Variants in MCM3AP observed in about 807,000 individuals in gnomAD.
MCM3AP encodes the protein minichromosome maintenance complex component 3 associated protein, also known as germinal-center associated nuclear protein.
In MCM3AP, 126 loss-of-function variants were observed where a neutral mutation model predicts 184.1. The observed-to-expected ratio is 0.68, with a 90% CI of 0.59 to 0.79. MCM3AP has a LOEUF of 0.79. Ranked by LOEUF, MCM3AP falls within the 30% of genes least tolerant of loss-of-function variation. The pLI, the probability that MCM3AP is intolerant of heterozygous loss-of-function variation, is 0.00. For synonymous variants in MCM3AP, 1,002 were observed against 979.3 expected (o/e 1.02, Z -0.43); for missense variants, 2,496 against 2,479.2 (o/e 1.01, Z -0.14).
At chr21:46,240,390 G>A (rs889161447) in intron 26 of MCM3AP, among the ~76,000 whole-genome samples, 1 of 152,126 alleles carries the variant, frequency 6.6e-6, no homozygotes, top group African/African-American at 2.4e-5. Flanking sequence ...GCATGGGAGG[G>A]AGGGAAGTGG....
chr21:46,282,584 C>T (rs1490793758), intron 2 of MCM3AP, among the ~76,000 whole-genome samples: 1 of 152,022 alleles, frequency 6.6e-6, no homozygotes, highest in South Asian at 2.1e-4. Flanking sequence ...GCAGGCAGAT[C>T]GTGAGGTCAG....
intron 10 of MCM3AP, chr21:46,266,668 G>A (rs138229626): frequency 1.5e-4 from 51 of 341,428 alleles, no homozygotes; most frequent in African/African-American, 8.8e-4. Flanking sequence ...GAGGTTGTCC[G>A]TCATTGGCTG....
chr21:46,275,350 A>G (rs2081242292), intron 5 of MCM3AP, 25 bp from the exon 6 acceptor site: 1 of 1,603,610 alleles, frequency 6.2e-7, no homozygotes, highest in East Asian at 2.2e-5. Flanking sequence ...GTAAAAGGTA[A>G]GAATGTACCA....
rs137961032 is a variant in MCM3AP at position 46,256,855 on chromosome 21, T to C, written c.3866A>G (p.Glu1289Gly). The C allele has an allele frequency of 1.3e-6, 2 of 1,580,032 alleles. No homozygotes were observed. The highest frequency in any genetic ancestry group is 1.7e-6 in the Non-Finnish European group (2 of 1,162,908). The change falls in exon 17 of 28, where the codon GAA (glutamate) becomes GGA (glycine). Residue 1289 changes from glutamate to glycine, a missense_variant. Coordinates refer to ENST00000291688, the MANE Select transcript of MCM3AP (RefSeq NM_003906.5). ...LAPSAECPIA[E>G]ENLARGLLDL... is the part of the protein sequence containing the mutation. ...CAGGAGGCCCCTGGCCAGGTTCTCT[T>C]CAGCAATGGGGCACTCTGCGCTGGG...
chr21:46,267,226 C>T (rs2081124938), intron 9 of MCM3AP, 84 bp from the exon 10 acceptor site: 8 of 1,352,258 alleles, frequency 5.9e-6, no homozygotes, highest in African/African-American at 1.4e-5. Flanking sequence ...CAGCCATGGC[C>T]AGCGTGGGGC....
chr21:46,277,517 A>G lies in MCM3AP; in HGVS notation c.1858+10T>C, dbSNP rs2081270955. The G allele has an allele frequency of 6.5e-7, 1 of 1,532,796 alleles. No individual in the cohort carries two copies. The highest frequency in any genetic ancestry group is 2.1e-5 in the Admixed American group (1 of 48,586). The allele number at this position is 1,532,796 out of a possible 1,614,324, so 94.9% of individuals were successfully genotyped here. On this transcript the variant is annotated intron_variant, in intron 5 of 27. Transcript: ENST00000291688. Reference sequence around the variant, plus strand: ...CAGGCCCCTAGAACCTCTGCCACCAAGTGCCATACCTTGCCGCATGATCCT... The same window carrying G: ...CAGGCCCCTAGAACCTCTGCCACCAGGTGCCATACCTTGCCGCATGATCCT...
At position 46,273,566 on chromosome 21, in the gene MCM3AP, A is replaced by G; in HGVS notation, c.2018T>C (p.Val673Ala). ...CGCCGAGGACCGACTGTACTCTTTC[A>G]CAGCTGCTGCGTGGTCCACCTAGAG... ...GTDQVDHAAA[V>A]KEYSRSSADQ... The change falls in exon 7 of 28, where the codon GTG becomes GCG. Residue 673 changes from valine to alanine, a missense_variant. Val to Ala is a moderately conservative substitution (Grantham distance 64). This residue lies in a region of MCM3AP where 130 missense variants were observed against 199.8 expected (regional missense o/e 0.65). Transcript: ENST00000291688. The G allele has an allele frequency of 6.2e-7, 1 of 1,613,730 alleles. No homozygotes were observed. The highest frequency in any genetic ancestry group is 8.5e-7 in the Non-Finnish European group (1 of 1,179,842).
In MCM3AP at chr21:46,277,675, G is replaced by C; in HGVS notation, c.1710C>G (p.Phe570Leu). ...KKPSLLKAHQFEGDSFDSASE... is the reference protein window; with the variant it reads ...KKPSLLKAHQLEGDSFDSASE... ...AGGCTGAGTCAAAAGAGTCTCCCTC[G>C]AATTGGTGGGCCTTTAGAAGACTTG... The change falls in exon 5 of 28, where the codon TTC becomes TTG. Residue 570 changes from phenylalanine to leucine, a missense_variant. Phe to Leu is a conservative substitution (Grantham distance 22, BLOSUM62 0). Around this residue, in one of 5 missense-constraint regions of MCM3AP, gnomAD observed 800 missense variants for 717.1 expected, o/e 1.12. Coordinates refer to ENST00000291688, the MANE Select transcript of MCM3AP (RefSeq NM_003906.5). The C allele has an allele frequency of 6.2e-7, 1 of 1,604,532 alleles. No homozygotes were observed. Among genetic ancestry groups the C allele is most frequent in the Non-Finnish European group, 8.5e-7 (1 of 1,175,396 alleles).
chr21:46,285,201 G>C lies in MCM3AP; in HGVS notation c.86C>G (p.Pro29Arg), dbSNP rs775044523. The C allele has an allele frequency of 1.9e-6, 3 of 1,614,092 alleles. No individual in the cohort carries two copies. Among genetic ancestry groups the C allele is most frequent in the Non-Finnish European group, 2.5e-6 (3 of 1,180,030 alleles). The change falls in exon 1 of 28, where the codon CCG becomes CGG. Residue 29 changes from proline (P) to arginine (R), a missense_variant. This residue lies in a region of MCM3AP where 800 missense variants were observed against 717.1 expected (regional missense o/e 1.12). Coordinates refer to ENST00000291688, the MANE Select transcript of MCM3AP (RefSeq NM_003906.5). ...AGAAGGTTGACCAAATCGAAATGGC[G>C]GCTTAGATGGAAGTGTTCCTACATT... Reference protein sequence around the residue: ...SSNVGTLPSKPPFRFGQPSLF... With the variant: ...SSNVGTLPSKRPFRFGQPSLF...
Position 46,284,974 on chromosome 21 carries a change from G to A in MCM3AP, c.313C>T (p.Leu105=). The A allele has an allele frequency of 6.2e-7, 1 of 1,614,100 alleles. No homozygotes were observed. The highest frequency in any genetic ancestry group is 8.5e-7 in the Non-Finnish European group (1 of 1,180,032). Residue 105 remains leucine (L), a synonymous_variant, in exon 1 of 28, where the codon CTG becomes TTG. Coordinates refer to ENST00000291688, the MANE Select transcript of MCM3AP (RefSeq NM_003906.5). ...ATSGPSSSSV[L]GNTGFSFKSP... ...TTAAAACTAAATCCTGTGTTTCCCAGCACAGATGAACTTGAAGGCCCAGAG... is the reference window on the plus strand; with the variant it reads ...TTAAAACTAAATCCTGTGTTTCCCAACACAGATGAACTTGAAGGCCCAGAG...
chr21:46,261,029 CT>C (rs1390431797), intron 14 of MCM3AP, 123 bp from the exon 15 acceptor site: 1 of 848,224 alleles, frequency 1.2e-6, no homozygotes, highest in Non-Finnish European at 1.9e-6. Context: ...TAGGCCACCC[CT>C]ACTCCAGCTC....
At position 46,275,225 on chromosome 21, in the gene MCM3AP, G is replaced by A. The variant is rs1284469391; in HGVS notation, c.1959C>T (p.Ser653=). ...EKERYMRETR[S]QLSVFEVVPG... ...GGACCACTTCGAACACGCTCAGCTG[G>A]CTACGGGTCTCCCGCATGTACCTCT... The change falls in exon 6 of 28, where the codon AGC becomes AGT. Residue 653 remains serine, a synonymous_variant. Coordinates refer to ENST00000291688, the MANE Select transcript of MCM3AP (RefSeq NM_003906.5). The A allele has an allele frequency of 6.2e-7, 1 of 1,614,014 alleles. No individual in the cohort carries two copies.
intron 4 of MCM3AP, among the ~76,000 whole-genome samples, chr21:46,278,535 G>C: frequency 6.6e-6 from 1 of 152,208 alleles, no homozygotes; most frequent in East Asian, 1.9e-4. Context: ...AAGCCTTTGA[G>C]AACAGAGTTC....
intron 26 of MCM3AP, among the ~76,000 whole-genome samples, chr21:46,238,792 C>G (rs1262051070): frequency 1.4e-4 from 21 of 152,204 alleles, no homozygotes; most frequent in Non-Finnish European, 2.6e-4. Context: ...TTCACCCTTC[C>G]AAAACATATT....
chr21:46,272,594 A>T lies in MCM3AP; in HGVS notation c.2432T>A (p.Val811Asp). 6.2e-7 allele frequency: 1 copy of T among 1,614,194 alleles called. No individual in the cohort carries two copies. Among genetic ancestry groups the T allele is most frequent in the Non-Finnish European group, 8.5e-7 (1 of 1,180,020 alleles). The change falls in exon 8 of 28, where the codon GTT (valine) becomes GAT (aspartate). Residue 811 changes from valine to aspartate, a missense_variant. Val to Asp is a radical substitution (Grantham distance 152, BLOSUM62 -3). Around this residue, in one of 5 missense-constraint regions of MCM3AP, gnomAD observed 105 missense variants for 97.1 expected, o/e 1.08. Transcript: ENST00000291688. ...ASEAEFQGYN[V>D]LLSLNKGDIL... ...GTCTCCCTTGTTGAGACTGAGCAGA[A>T]CATTGTAGCCCTGGAACTCCGCTTC...
Position 46,242,870 on chromosome 21 carries a change from A to G in MCM3AP, c.5358T>C (p.Tyr1786=), listed in dbSNP as rs980287858. 2 of 1,613,512 alleles carry G rather than the reference A, an allele frequency of 1.2e-6. No homozygotes were observed. Among genetic ancestry groups the G allele is most frequent in the South Asian group, 1.1e-5 (1 of 91,008 alleles). ...CTTGTTCCCACGACAAAGGAACATCATATTTTTTCAAATCGTTTTTAAAAA... is the reference window on the plus strand; with the variant it reads ...CTTGTTCCCACGACAAAGGAACATCGTATTTTTTCAAATCGTTTTTAAAAA... ...VYFFKNDLKK[Y]DVPLSWEQAR... The change falls in exon 25 of 28, where the codon TAT becomes TAC. Residue 1786 remains tyrosine (Y), a synonymous_variant. Coordinates refer to ENST00000291688, the MANE Select transcript of MCM3AP (RefSeq NM_003906.5).
intron 17 of MCM3AP, 147 bp from the exon 18 acceptor site, chr21:46,254,991 A>C: frequency 4.4e-6 from 3 of 682,702 alleles, no homozygotes; most frequent in Non-Finnish European, 5.3e-6. Flanking sequence ...CACAAATATC[A>C]TGTTAAGTAT....
Position 46,251,712 on chromosome 21 carries a change from A to G in MCM3AP, c.4137-30T>C, listed in dbSNP as rs748453430. ...AGATTTAAAAAAAACAAAAAACAAAAAAAACACTTGAAGAATCTAATTCTA... is the reference window on the plus strand; with the variant it reads ...AGATTTAAAAAAAACAAAAAACAAAGAAAACACTTGAAGAATCTAATTCTA... On this transcript the variant is annotated intron_variant, in intron 19 of 27. Transcript: ENST00000291688. 5.3e-5 allele frequency: 74 copies of G among 1,399,266 alleles called. No homozygotes were observed. The Middle Eastern group carries it at 5.4e-4, about 10-fold the overall frequency. The allele number at this position is 1,399,266 out of a possible 1,614,324, so 86.7% of individuals were successfully genotyped here.
Position 46,261,427 on chromosome 21 carries a change from G to A in MCM3AP, c.3336-16C>T. On this transcript the variant is annotated splice_polypyrimidine_tract_variant and intron_variant, in intron 13 of 27. Transcript: ENST00000291688. The stretch of plus-strand genomic sequence containing the variant: ...ATTAGAAACACTAAACGGAGCAAAG[G>A]GGATAGCATTCAAAATCAGAGTCAA... The A allele has an allele frequency of 3.1e-6, 5 of 1,612,586 alleles. No individual in the cohort carries two copies. Among genetic ancestry groups the A allele is most frequent in the Non-Finnish European group, 4.2e-6 (5 of 1,179,266 alleles).
Sources: allele counts gnomAD v4.1 joint callset (sites outside exome capture counted in the v4.1 genomes callset), GRCh38; gene constraint gnomAD v4.1.1; regional missense constraint gnomAD v4.1.1; transcripts MANE v1.5; gene names NCBI Gene and HGNC (gene_info 2026-07-23, HGNC 2026-07-21).